MAML2: variants seen among roughly 807,000 people sequenced by gnomAD.
MAML2 encodes mastermind like transcriptional coactivator 2.
MAML2 carries 22 observed loss-of-function variants against 96.1 expected under a neutral mutation model. The ratio of observed to expected loss-of-function variants is 0.23; its 90% CI spans 0.16 to 0.33. The LOEUF (loss-of-function observed/expected upper bound fraction) is 0.33. Among genes scored for constraint, MAML2 ranks in the 10% least tolerant of loss-of-function variants. The probability of loss-of-function intolerance (pLI) is 1.00; values close to 1 mark genes in which losing one functional copy is unlikely to be tolerated. For synonymous variants in MAML2, 561 were observed against 521.3 expected (o/e 1.08, Z -1.04); for missense variants, 1,367 against 1,392.4 (o/e 0.98, Z 0.29).
At chr11:96,090,884 C>T (rs932986444) in intron 2 of MAML2, among the ~76,000 whole-genome samples, 4 of 152,358 alleles carry the variant, frequency 2.6e-5, no homozygotes, top group Admixed American at 6.5e-5. Flanking sequence ...TTAGGATCTG[C>T]ACCATCGCAC....
intron 1 of MAML2, among the ~76,000 whole-genome samples, chr11:96,277,303 T>A (rs547188714): frequency 5.9e-5 from 9 of 152,224 alleles, no homozygotes; most frequent in Admixed American, 4.6e-4. Flanking sequence ...ACGCACAGAA[T>A]GAGAGATGAT....
At chr11:96,302,536 T>C (rs754074949) in intron 1 of MAML2, among the ~76,000 whole-genome samples, 6 of 152,168 alleles carry the variant, frequency 3.9e-5, no homozygotes, top group East Asian at 1.9e-4. Context: ...CTCCTGGAGG[T>C]TGGGGAGAAT....
chr11:96,215,864 C>G (rs1424107589), intron 1 of MAML2, among the ~76,000 whole-genome samples: 1 of 152,048 alleles, frequency 6.6e-6, no homozygotes, highest in Non-Finnish European at 1.5e-5. Context: ...AATTACAGAA[C>G]AACAGATTGG....
chr11:96,331,939 T>C (rs566304386), intron 1 of MAML2, among the ~76,000 whole-genome samples: 1 of 152,246 alleles, frequency 6.6e-6, no homozygotes, highest in Admixed American at 6.5e-5. Context: ...TAGACTAATA[T>C]GAACTGGCCC....
chr11:96,031,697 T>C (rs1011405847), intron 2 of MAML2, among the ~76,000 whole-genome samples: 1 of 152,102 alleles, frequency 6.6e-6, no homozygotes, highest in Non-Finnish European at 1.5e-5. Flanking sequence ...TTAAATTACC[T>C]ATATCTGGCC....
intron 4 of MAML2, among the ~76,000 whole-genome samples, chr11:95,983,001 T>C (rs532899281): frequency 6.6e-6 from 1 of 152,268 alleles, no homozygotes; most frequent in East Asian, 1.9e-4. Context: ...AGTAAATGTT[T>C]TTACTATGCT....
At chr11:96,251,615 A>G (rs1215313491) in intron 1 of MAML2, among the ~76,000 whole-genome samples, 1 of 152,202 alleles carries the variant, frequency 6.6e-6, no homozygotes, top group African/African-American at 2.4e-5. Flanking sequence ...AGTAGGAATA[A>G]TAAGCAGTGA....
intron 2 of MAML2, among the ~76,000 whole-genome samples, chr11:96,052,748 C>T (rs771517174): frequency 5.3e-5 from 8 of 152,230 alleles, no homozygotes; most frequent in East Asian, 1.9e-4. Context: ...CAGAGAAATG[C>T]TCTCCACATT....
intron 1 of MAML2, among the ~76,000 whole-genome samples, chr11:96,299,420 A>C (rs1863355522): frequency 6.6e-6 from 1 of 151,856 alleles, no homozygotes; most frequent in South Asian, 2.1e-4. Flanking sequence ...GAAGTCGCAG[A>C]GGCTGCCGGT....
chr11:96,064,267 C>G (rs1859211686), intron 2 of MAML2, among the ~76,000 whole-genome samples: 1 of 152,174 alleles, frequency 6.6e-6, no homozygotes, highest in Non-Finnish European at 1.5e-5. Flanking sequence ...CATCTGTGTT[C>G]CTGGGCAGAT....
chr11:96,103,632 C>T (rs918323363), intron 1 of MAML2, among the ~76,000 whole-genome samples: 1 of 152,186 alleles, frequency 6.6e-6, no homozygotes, highest in African/African-American at 2.4e-5. Flanking sequence ...CAGTGGTTTA[C>T]CCAACATCAA....
chr11:96,003,124 TATGGGGATGAGGAGGATG>T (rs1211127682), intron 2 of MAML2, among the ~76,000 whole-genome samples: 8 of 44,914 alleles, frequency 1.8e-4, no homozygotes, highest in African/African-American at 3.7e-4. Flanking sequence ...TGAAGATGAT[TATGGGGATGAGGAGGATG>T]ATGGGGATGA....
intron 1 of MAML2, among the ~76,000 whole-genome samples, chr11:96,158,048 A>G (rs1290068724): frequency 6.6e-6 from 1 of 152,200 alleles, no homozygotes; most frequent in Non-Finnish European, 1.5e-5. Context: ...TTAGTATTCA[A>G]AAGAAATATA....
At chr11:96,042,635 G>A (rs762698279) in intron 2 of MAML2, among the ~76,000 whole-genome samples, 1 of 151,868 alleles carries the variant, frequency 6.6e-6, no homozygotes. Flanking sequence ...TTTAAGCCAG[G>A]CCTGTTCCCC....
chr11:96,160,876 C>A (rs1028110948), intron 1 of MAML2, among the ~76,000 whole-genome samples: 2 of 152,142 alleles, frequency 1.3e-5, no homozygotes, highest in Admixed American at 1.3e-4. Flanking sequence ...ATTATAAGTG[C>A]GCACTTGGGT....
rs528688136 is a variant in MAML2, at chr11:96,041,336, C to CA, written c.2140-49614dup. ...TGAAACCCCCTCTCTACTAAAAATA[C>CA]AAAAAAAAAAAAAATTTAGCCGGGC... On this transcript the variant is annotated intron_variant, in intron 2 of 4. Coordinates refer to ENST00000524717, the MANE Select transcript of MAML2 (RefSeq NM_032427.4). Among the ~76,000 whole-genome samples, 348 of 132,890 alleles carry CA rather than the reference C, an allele frequency of 2.6e-3. 1 individual carries two copies. Among genetic ancestry groups the CA allele is most frequent in the South Asian group, 4.6e-3 (19 of 4,174 alleles). 87.2% of individuals were successfully genotyped at this position (132,890 alleles called of 152,430 possible).
intron 2 of MAML2, among the ~76,000 whole-genome samples, chr11:96,000,986 A>C (rs1858070433): frequency 6.6e-6 from 1 of 152,172 alleles, no homozygotes; most frequent in African/African-American, 2.4e-5. Flanking sequence ...TTTCCCCTTC[A>C]CAATTGTGAA....
At chr11:96,252,173 CT>C (rs1164335096) in intron 1 of MAML2, among the ~76,000 whole-genome samples, 59 of 149,302 alleles carry the variant, frequency 4.0e-4, no homozygotes, top group African/African-American at 1.4e-3. Context: ...TTCTCTCTCT[CT>C]ACACACACAC....
intron 1 of MAML2, among the ~76,000 whole-genome samples, chr11:96,208,725 G>A (rs1405274439): frequency 6.6e-6 from 1 of 152,062 alleles, no homozygotes; most frequent in Non-Finnish European, 1.5e-5. Context: ...CAAAATCTCT[G>A]AATTGCCAGA....
Sources: allele counts gnomAD v4.1 joint callset (sites outside exome capture counted in the v4.1 genomes callset), GRCh38; gene constraint gnomAD v4.1.1; transcripts MANE v1.5; gene names NCBI Gene and HGNC (gene_info 2026-07-23, HGNC 2026-07-21).